The following RAB27A variants were observed in gnomAD, a reference collection of about 807,000 sequenced individuals.
The protein encoded by RAB27A is RAB27A, member RAS oncogene family.
A neutral mutation model predicts 20.8 loss-of-function variants in RAB27A; 17 were observed. That is an observed-to-expected ratio of 0.82 (90% confidence interval 0.56 to 1.23). The LOEUF (loss-of-function observed/expected upper bound fraction) is 1.23. Among genes scored for constraint, RAB27A ranks in the 50% most tolerant of loss-of-function variants. RAB27A has a pLI of 0.00. For missense variants in RAB27A, 277 were observed against 266.7 expected (o/e 1.04, Z -0.27); for synonymous variants, 85 against 92.8 (o/e 0.92, Z 0.48).
chr15:55,316,144 G>C (rs969993162), intron 1 of RAB27A, among the ~76,000 whole-genome samples: 3 of 150,958 alleles, frequency 2.0e-5, no homozygotes, highest in African/African-American at 7.3e-5. Flanking sequence ...AGGCAGAACT[G>C]CTTGAACCTG....
At chr15:55,227,636 C>T (rs1388342267) in intron 5 of RAB27A, among the ~76,000 whole-genome samples, 2 of 152,148 alleles carry the variant, frequency 1.3e-5, no homozygotes, top group African/African-American at 4.8e-5. Flanking sequence ...TTTTAAGGCT[C>T]AATGTCCTTC....
At chr15:55,223,769 C>T in intron 6 of RAB27A, 120 bp downstream of exon 6, 1 of 1,232,636 alleles carries the variant, frequency 8.1e-7, no homozygotes, top group South Asian at 1.2e-5. Context: ...TTCAACATGC[C>T]CCAAGGCCTA....
chr15:55,296,568 A>G (rs1234363958), intron 2 of RAB27A, among the ~76,000 whole-genome samples: 2 of 152,238 alleles, frequency 1.3e-5, no homozygotes, highest in Non-Finnish European at 2.9e-5. Flanking sequence ...CCAGAAAGTA[A>G]AAGAGTGCTC....
At position 55,204,255 on chromosome 15, in the gene RAB27A, T is replaced by C. The variant is rs376172897; in HGVS notation, c.*1252A>G. On this transcript the variant is annotated 3_prime_UTR_variant, in exon 7 of 7. Transcript: ENST00000336787. ...TTATAAACAACTTCCATGAAACATATATTAAAACCACCTTTAATTTGGTAT... is the reference window on the plus strand; with the variant it reads ...TTATAAACAACTTCCATGAAACATACATTAAAACCACCTTTAATTTGGTAT... The C allele has an allele frequency of 2.6e-5, 4 of 152,238 alleles. No homozygotes were observed. In the East Asian group the frequency reaches 7.7e-4, roughly 29 times the overall value. The allele number at this position is 152,238 out of a possible 1,614,324, so 9.4% of individuals were successfully genotyped here.
At chr15:55,222,734 A>T (rs1203484334) in intron 6 of RAB27A, among the ~76,000 whole-genome samples, 1 of 152,072 alleles carries the variant, frequency 6.6e-6, no homozygotes, top group Non-Finnish European at 1.5e-5. Flanking sequence ...GCCTTCTTGG[A>T]TTCTGCTAAC....
chr15:55,287,407 A>C (rs931248491), intron 1 of RAB27A, among the ~76,000 whole-genome samples: 3 of 152,200 alleles, frequency 2.0e-5, no homozygotes, highest in Admixed American at 6.5e-5. Context: ...AAACCCTTAC[A>C]TCTATTTTAG....
chr15:55,254,520 C>A (rs1249082954), intron 2 of RAB27A, among the ~76,000 whole-genome samples: 1 of 151,882 alleles, frequency 6.6e-6, no homozygotes, highest in Non-Finnish European at 1.5e-5. Flanking sequence ...GAAATAATTT[C>A]CATTAATTTC....
intron 1 of RAB27A, among the ~76,000 whole-genome samples, chr15:55,318,154 A>C (rs1282713781): frequency 6.8e-6 from 1 of 147,850 alleles, no homozygotes; most frequent in Non-Finnish European, 1.5e-5. Context: ...CTGGAGTGCA[A>C]TGGCGCAATC....
At chr15:55,247,244 G>T (rs988085399) in intron 2 of RAB27A, among the ~76,000 whole-genome samples, 1 of 152,074 alleles carries the variant, frequency 6.6e-6, no homozygotes, top group Non-Finnish European at 1.5e-5. Flanking sequence ...CTCTGAAGAG[G>T]TAAAATGAAA....
At chr15:55,214,545 C>T (rs1895190885) in intron 6 of RAB27A, among the ~76,000 whole-genome samples, 1 of 152,238 alleles carries the variant, frequency 6.6e-6, no homozygotes, top group Non-Finnish European at 1.5e-5. Flanking sequence ...CTAACTCCAC[C>T]ATGCTCATAT....
intron 6 of RAB27A, among the ~76,000 whole-genome samples, chr15:55,222,224 ACACCATC>A (rs1895604606): frequency 6.6e-6 from 1 of 152,238 alleles, no homozygotes; most frequent in South Asian, 2.1e-4. Context: ...ACATGGTTAA[ACACCATC>A]TGCCCTAGGG....
At chr15:55,264,230 T>C (rs1897379556) in intron 2 of RAB27A, among the ~76,000 whole-genome samples, 1 of 152,150 alleles carries the variant, frequency 6.6e-6, no homozygotes. Flanking sequence ...TTTCTATTTT[T>C]AGTATAGACA....
At chr15:55,225,510 C>T (rs1027551687) in intron 5 of RAB27A, among the ~76,000 whole-genome samples, 1 of 152,206 alleles carries the variant, frequency 6.6e-6, no homozygotes, top group African/African-American at 2.4e-5. Context: ...TCCAGCTCTA[C>T]TGAATCAGGA....
At chr15:55,315,038 C>T (rs1256622518) in intron 1 of RAB27A, among the ~76,000 whole-genome samples, 1 of 152,160 alleles carries the variant, frequency 6.6e-6, no homozygotes, top group Non-Finnish European at 1.5e-5. Context: ...GTAACCAAAA[C>T]ACCATGGTAC....
chr15:55,242,576 G>A (rs972086515), intron 2 of RAB27A, among the ~76,000 whole-genome samples: 9 of 152,120 alleles, frequency 5.9e-5, no homozygotes, highest in East Asian at 1.9e-4. Flanking sequence ...GTTTCACCAC[G>A]TTCTTCATTA....
At chr15:55,315,430 T>G (rs1208048761) in intron 1 of RAB27A, among the ~76,000 whole-genome samples, 1 of 152,078 alleles carries the variant, frequency 6.6e-6, no homozygotes, top group Non-Finnish European at 1.5e-5. Flanking sequence ...ATTAAAGAGC[T>G]TCTGCCTAGC....
intron 2 of RAB27A, among the ~76,000 whole-genome samples, chr15:55,260,298 G>A (rs950747268): frequency 1.3e-5 from 2 of 152,210 alleles, no homozygotes; most frequent in African/African-American, 4.8e-5. Flanking sequence ...AAATGCTGGT[G>A]AGGATGTGGA....
chr15:55,231,914 A>C (rs144612715), intron 3 of RAB27A, among the ~76,000 whole-genome samples: 223 of 152,300 alleles, frequency 1.5e-3, no homozygotes, highest in East Asian at 3.9e-3. Flanking sequence ...ACAACAACAA[A>C]AAAAAAATTT....
At chr15:55,276,506 G>A (rs1033654591) in intron 1 of RAB27A, among the ~76,000 whole-genome samples, 1 of 152,134 alleles carries the variant, frequency 6.6e-6, no homozygotes, top group African/African-American at 2.4e-5. Flanking sequence ...TGACTTCAAG[G>A]CTGCAGTGAG....
Sources: allele counts gnomAD v4.1 joint callset (sites outside exome capture counted in the v4.1 genomes callset), GRCh38; gene constraint gnomAD v4.1.1; transcripts MANE v1.5; gene names NCBI Gene and HGNC (gene_info 2026-07-23, HGNC 2026-07-21).